Variants in NFE2L3 observed in about 807,000 individuals in gnomAD.
The protein encoded by NFE2L3 is nuclear factor erythroid 2-related factor 3.
In NFE2L3, 18 loss-of-function variants were observed where a neutral mutation model predicts 23.5. The ratio of observed to expected loss-of-function variants is 0.77; its 90% confidence interval spans 0.53 to 1.13. The LOEUF is 1.13. Ranked by LOEUF, NFE2L3 falls within the 50% of genes most tolerant of loss-of-function variation. NFE2L3 has a pLI of 0.00. For synonymous variants in NFE2L3, 424 were observed against 354.5 expected (o/e 1.20, Z -2.20); for missense variants, 1,152 against 877.2 (o/e 1.31, Z -3.96).
At chr7:26,161,814 A>G (rs2128097828) in intron 1 of NFE2L3, among the ~76,000 whole-genome samples, 1 of 152,220 alleles carries the variant, frequency 6.6e-6, no homozygotes, top group East Asian at 1.9e-4. Context: ...AAAACAATGA[A>G]TGCAGAATTA....
intron 1 of NFE2L3, among the ~76,000 whole-genome samples, chr7:26,157,839 A>G (rs1784106630): frequency 1.3e-5 from 2 of 152,186 alleles, no homozygotes. Context: ...TCCAAGATCA[A>G]GGTGTCAGCA....
intron 1 of NFE2L3, among the ~76,000 whole-genome samples, chr7:26,165,898 T>A (rs1267709018): frequency 6.6e-6 from 1 of 152,220 alleles, no homozygotes; most frequent in African/African-American, 2.4e-5. Flanking sequence ...GATTCTTTAA[T>A]AATCATCACA....
Position 26,178,003 on chromosome 7 carries a change from A to T in NFE2L3, c.631A>T (p.Asn211Tyr). ...AVDHSSQHEE[N>Y]EERVSAQKEN... is the part of the protein sequence containing the mutation. ...GGATCATAGTTCCCAGCATGAGGAA[A>T]ATGAAGAAAGGGTGTCAGCCCAGAA... Residue 211 changes from asparagine (N) to tyrosine (Y), a missense_variant, in exon 2 of 4, where the codon AAT (asparagine) becomes TAT (tyrosine). Physicochemically the swap from Asn to Tyr is moderately radical, Grantham distance 143. Transcript: ENST00000056233. 1 of 1,614,172 alleles carries T rather than the reference A, an allele frequency of 6.2e-7. No individual in the cohort carries two copies. The highest frequency in any genetic ancestry group is 8.5e-7 in the Non-Finnish European group (1 of 1,179,998).
In NFE2L3 at chr7:26,152,905, C is replaced by T; in HGVS notation, c.407C>T (p.Thr136Ile). The change falls in exon 1 of 4, where the codon ACC becomes ATC. Residue 136 changes from threonine (T) to isoleucine (I), a missense_variant. Thr to Ile is a moderately conservative substitution (Grantham distance 89). Coordinates refer to ENST00000056233, the MANE Select transcript of NFE2L3 (RefSeq NM_004289.7). The surrounding 1 kb of genome is among the most constrained non-coding windows in gnomAD (Gnocchi z 4.4). ...CTCGGCGCCGCCGCCGCCTCGTCCACCGGAGGAGCCGGCGCCAGCGTGGAC... is the reference window on the plus strand; with the variant it reads ...CTCGGCGCCGCCGCCGCCTCGTCCATCGGAGGAGCCGGCGCCAGCGTGGAC... ...GLLGAAAASSTGGAGASVDGG... is the reference protein window; with the variant it reads ...GLLGAAAASSIGGAGASVDGG... 4 of 1,445,558 alleles carry T rather than the reference C, an allele frequency of 2.8e-6. No homozygotes were observed. The highest frequency in any genetic ancestry group is 3.6e-6 in the Non-Finnish European group (4 of 1,110,490). 89.5% of individuals were successfully genotyped at this position (1,445,558 alleles called of 1,614,324 possible).
Position 26,185,567 on chromosome 7 carries a change from G to A in NFE2L3, c.1869G>A (p.Glu623=), listed in dbSNP as rs1583943071. Residue 623 remains glutamate, a synonymous_variant, in exon 4 of 4, where the codon GAG becomes GAA. Transcript: ENST00000056233. The stretch of plus-strand genomic sequence containing the variant: ...CAAAGAAGGAAACTCTTAAGAGAGA[G>A]CAAGCACAATGTAACAAAGCTATTA... ...LQAKKETLKR[E]QAQCNKAINI... The A allele has an allele frequency of 6.2e-7, 1 of 1,613,772 alleles. No individual in the cohort carries two copies. Among genetic ancestry groups the A allele is most frequent in the Non-Finnish European group, 8.5e-7 (1 of 1,179,756 alleles).
chr7:26,165,280 A>T (rs1784230584), intron 1 of NFE2L3, among the ~76,000 whole-genome samples: 1 of 152,214 alleles, frequency 6.6e-6, no homozygotes, highest in Non-Finnish European at 1.5e-5. Context: ...CCTACCCATG[A>T]GCATGGAATG....
At chr7:26,178,159 G>A (rs763595145) in intron 2 of NFE2L3, 37 bp downstream of exon 2, 5 of 1,575,310 alleles carry the variant, frequency 3.2e-6, no homozygotes, top group Admixed American at 1.8e-5. Flanking sequence ...TGCCGTTTTG[G>A]TTTTAATGTA....
At chr7:26,153,140 T>A in intron 1 of NFE2L3, 72 bp downstream of exon 1, 1 of 1,414,364 alleles carries the variant, frequency 7.1e-7, no homozygotes, top group Non-Finnish European at 9.3e-7. Flanking sequence ...TTGTGTCGGA[T>A]CTGAGCAGGG....
At chr7:26,164,148 G>T (rs539726858) in intron 1 of NFE2L3, among the ~76,000 whole-genome samples, 6 of 152,284 alleles carry the variant, frequency 3.9e-5, no homozygotes, top group African/African-American at 9.6e-5. Flanking sequence ...GCAGCATGAT[G>T]TATAATCCTT....
chr7:26,152,373 A>T lies in NFE2L3; in HGVS notation c.-126A>T. 3.4e-6 allele frequency: 2 copies of T among 580,864 alleles called. No homozygotes were observed. Among genetic ancestry groups the T allele is most frequent in the Non-Finnish European group, 2.4e-6 (1 of 421,616 alleles). The allele number at this position is 580,864 out of a possible 1,614,324, so 36.0% of individuals were successfully genotyped here. Reference sequence around the variant, plus strand: ...CGACGGCCGCCACGCGCCCCGGTCCATTGTTTCGCTTATCTGGGTTCCAGG... The same window carrying T: ...CGACGGCCGCCACGCGCCCCGGTCCTTTGTTTCGCTTATCTGGGTTCCAGG... On this transcript the variant is annotated 5_prime_UTR_variant, in exon 1 of 4. Transcript: ENST00000056233. This position sits in a 1 kb window ranked among gnomAD's most constrained non-coding sequence, Gnocchi z 4.4.
At chr7:26,176,439 C>T (rs1354250461) in intron 1 of NFE2L3, among the ~76,000 whole-genome samples, 3 of 152,120 alleles carry the variant, frequency 2.0e-5, no homozygotes, top group African/African-American at 7.2e-5. Context: ...TGCACAGCAG[C>T]CAGGCAGAGG....
chr7:26,183,131 G>A (rs1330226969), intron 2 of NFE2L3, among the ~76,000 whole-genome samples: 1 of 152,034 alleles, frequency 6.6e-6, no homozygotes, highest in African/African-American at 2.4e-5. Context: ...TGGCTATGGA[G>A]GGGCAAAATA....
In NFE2L3 at chr7:26,183,798, TGGCTTTTATCCTCGCA is replaced by T. The variant is rs746299801; in HGVS notation, c.834+17_834+32del. 11 of 1,585,244 alleles carry T rather than the reference TGGCTTTTATCCTCGCA, an allele frequency of 6.9e-6. No homozygotes were observed. In the East Asian group the frequency reaches 2.5e-4, roughly 35 times the overall value. Reference sequence around the variant, plus strand: ...AATTCACTGGAGGTAATTGGAACTTTGGCTTTTATCCTCGCAGGAACATATCTGCACTGACCTTTTG... The same window carrying T: ...AATTCACTGGAGGTAATTGGAACTTTGGAACATATCTGCACTGACCTTTTG... On this transcript the variant is annotated intron_variant, in intron 3 of 3. Coordinates refer to ENST00000056233, the MANE Select transcript of NFE2L3 (RefSeq NM_004289.7).
At position 26,183,628 on chromosome 7, in the gene NFE2L3, T is replaced by TAAAG. The variant is rs1782388899; in HGVS notation, c.751-71_751-68dup. On this transcript the variant is annotated intron_variant, in intron 2 of 3. Coordinates refer to ENST00000056233, the MANE Select transcript of NFE2L3 (RefSeq NM_004289.7). ...GTGGAAATAATACCTGGTGATCCTT[T>TAAAG]AAAGATAAAGCCTAAAGCCCCAACC... is the stretch of plus-strand genomic sequence containing the variant. The TAAAG allele has an allele frequency of 3.4e-6, 3 of 891,206 alleles. No homozygotes were observed. In the African/African-American group the frequency reaches 5.0e-5, roughly 15 times the overall value. The allele number at this position is 891,206 out of a possible 1,614,324, so 55.2% of individuals were successfully genotyped here. A position where few individuals can be genotyped will look rare whatever the true frequency, so the allele number is the denominator to read the frequency against.
Position 26,186,663 on chromosome 7 carries a change from CCTCACCATCTTAGAATACTGAGAT to C in NFE2L3, c.*888_*911del, listed in dbSNP as rs1222068140. On this transcript the variant is annotated 3_prime_UTR_variant, in exon 4 of 4. Coordinates refer to ENST00000056233, the MANE Select transcript of NFE2L3 (RefSeq NM_004289.7). ...CAGTAAAGCCAGCCTGAAGGGATGG[CCTCACCATCTTAGAATACTGAGAT>C]CTCACCAGAACACTGTAAGCCATAT... The C allele has an allele frequency of 2.0e-5, 3 of 152,118 alleles. No individual in the cohort carries two copies. The South Asian group carries it at 6.2e-4, about 32-fold the overall frequency. 9.4% of individuals were successfully genotyped at this position (152,118 alleles called of 1,614,324 possible).
At chr7:26,166,018 T>G (rs1282743833) in intron 1 of NFE2L3, among the ~76,000 whole-genome samples, 1 of 152,122 alleles carries the variant, frequency 6.6e-6, no homozygotes, top group Non-Finnish European at 1.5e-5. Context: ...TCCAGCTGTT[T>G]TTGCATGATA....
Position 26,152,967 on chromosome 7 carries a change from C to G in NFE2L3, c.469C>G (p.Pro157Ala), listed in dbSNP as rs929346793. ...SQAVQGGGGD[P>A]RAARSGPLDA... Reference sequence around the variant, plus strand: ...GGCTGTGCAGGGGGGCGGCGGGGACCCCCGAGCGGCTCGGAGTGGCCCCTT... The same window carrying G: ...GGCTGTGCAGGGGGGCGGCGGGGACGCCCGAGCGGCTCGGAGTGGCCCCTT... Residue 157 changes from proline (P) to alanine (A), a missense_variant, in exon 1 of 4, where the codon CCC becomes GCC. Coordinates refer to ENST00000056233, the MANE Select transcript of NFE2L3 (RefSeq NM_004289.7). This position sits in a 1 kb window ranked among gnomAD's most constrained non-coding sequence, Gnocchi z 4.4. 6.7e-7 allele frequency: 1 copy of G among 1,495,308 alleles called. No homozygotes were observed. Among genetic ancestry groups the G allele is most frequent in the African/African-American group, 1.5e-5 (1 of 68,780 alleles). 92.6% of individuals were successfully genotyped at this position (1,495,308 alleles called of 1,614,324 possible). A position where few individuals can be genotyped will look rare whatever the true frequency, so the allele number is the denominator to read the frequency against.
chr7:26,159,330 C>T (rs1314456327), intron 1 of NFE2L3, among the ~76,000 whole-genome samples: 1 of 152,190 alleles, frequency 6.6e-6, no homozygotes, highest in African/African-American at 2.4e-5. Context: ...TGGTTAAATT[C>T]TCAAACTCAG....
At chr7:26,167,678 C>T (rs767500362) in intron 1 of NFE2L3, among the ~76,000 whole-genome samples, 13 of 152,118 alleles carry the variant, frequency 8.5e-5, no homozygotes, top group Admixed American at 2.6e-4. Flanking sequence ...ACTAGTAAAA[C>T]ATACTCTGTA....
Sources: gnomAD v4.1 joint callset for allele counts (sites outside exome capture counted in the v4.1 genomes callset) on GRCh38, gnomAD v4.1.1 for gene constraint, Gnocchi (gnomAD v3.1) non-coding constraint, MANE v1.5 for transcripts, NCBI Gene and HGNC (gene_info 2026-07-23, HGNC 2026-07-21) for gene names.